Variants in CCDC88A observed in about 807,000 individuals in gnomAD.
CCDC88A encodes the protein coiled-coil and HOOK domain protein 88A.
A neutral mutation model predicts 234.3 loss-of-function variants in CCDC88A; 54 were observed. That is an observed-to-expected ratio of 0.23 (90% CI 0.19 to 0.29). CCDC88A has a LOEUF of 0.29. Among genes scored for constraint, CCDC88A ranks in the 10% least tolerant of loss-of-function variants. CCDC88A has a pLI of 1.00. For missense variants in CCDC88A, 1,832 were observed against 2,123.4 expected, an observed-to-expected ratio of 0.86 and a Z score of 2.70; for synonymous variants, 753 against 737.8, an observed-to-expected ratio of 1.02 and a Z score of -0.33.
At chr2:55,376,414 AC>A (rs1358815634) in intron 3 of CCDC88A, among the ~76,000 whole-genome samples, 1 of 152,206 alleles carries the variant, frequency 6.6e-6, no homozygotes, top group Admixed American at 6.5e-5. Flanking sequence ...ATGAAAAATA[AC>A]TATAAAAAGT....
At position 55,340,702 on chromosome 2, in the gene CCDC88A, C is replaced by G. The variant is rs143921923; in HGVS notation, c.1334-1054G>C. 2.7e-4 allele frequency among the ~76,000 whole-genome samples: 41 copies of G among 152,234 alleles called. 2 individuals are homozygous for G. The East Asian group carries it at 7.5e-3, about 28-fold the overall frequency. On this transcript the variant is annotated intron_variant, in intron 12 of 32. Coordinates refer to ENST00000436346, the MANE Select transcript of CCDC88A (RefSeq NM_001365480.1). The stretch of plus-strand genomic sequence containing the variant: ...TGGCTAAAAGTTCAAAATGAATATT[C>G]TGAACACGCTGAAATTATTTTAAAA...
intron 7 of CCDC88A, among the ~76,000 whole-genome samples, chr2:55,361,452 A>C (rs1004919332): frequency 6.6e-6 from 1 of 152,168 alleles, no homozygotes; most frequent in Non-Finnish European, 1.5e-5. Flanking sequence ...TTAATGCCTG[A>C]AGAAAAATTG....
chr2:55,404,424 T>C (rs1679214183), intron 2 of CCDC88A: 1 of 152,158 alleles, frequency 6.6e-6, no homozygotes, highest in African/African-American at 2.4e-5. Flanking sequence ...TTTTTCAGTG[T>C]ACCAGAAAAG....
Position 55,322,789 on chromosome 2 carries a change from G to A in CCDC88A, c.2998-97C>T, listed in dbSNP as rs890027664. 3.2e-5 allele frequency: 17 copies of A among 537,302 alleles called. No homozygotes were observed. The South Asian group carries it at 5.3e-4, about 17-fold the overall frequency. The allele number at this position is 537,302 out of a possible 1,614,324, so 33.3% of individuals were successfully genotyped here. ...GACTCTGGGCTGATCTGGTGAATACGAAAGGCAATTTACTTTTAAATGTGA... is the reference window on the plus strand; with the variant it reads ...GACTCTGGGCTGATCTGGTGAATACAAAAGGCAATTTACTTTTAAATGTGA... On this transcript the variant is annotated intron_variant, in intron 17 of 32. Coordinates refer to ENST00000436346, the MANE Select transcript of CCDC88A (RefSeq NM_001365480.1).
chr2:55,375,459 T>G, intron 3 of CCDC88A, among the ~76,000 whole-genome samples: 1 of 141,752 alleles, frequency 7.1e-6, no homozygotes, highest in African/African-American at 2.6e-5. Context: ...TTATAAGTAC[T>G]GTCACTGTAC....
chr2:55,349,985 A>G lies in CCDC88A; in HGVS notation c.801-386T>C, dbSNP rs577468853. ...GCTCTGTCACCCAGGCTGGAGTGCA[A>G]TGGCGCAAACTTGACTCACTGCAAC... On this transcript the variant is annotated intron_variant, in intron 8 of 32. Coordinates refer to ENST00000436346, the MANE Select transcript of CCDC88A (RefSeq NM_001365480.1). 14 of 156,766 alleles carry G rather than the reference A, an allele frequency of 8.9e-5. No homozygotes were observed. In the South Asian group the frequency reaches 2.8e-3, roughly 31 times the overall value. The allele number at this position is 156,766 out of a possible 1,614,324, so 9.7% of individuals were successfully genotyped here. A position where few individuals can be genotyped will look rare whatever the true frequency, so the allele number is the denominator to read the frequency against.
intron 2 of CCDC88A, among the ~76,000 whole-genome samples, chr2:55,390,421 C>A (rs1263886578): frequency 6.6e-6 from 1 of 152,184 alleles, no homozygotes; most frequent in South Asian, 2.1e-4. Context: ...CTTTTGTCCC[C>A]TGACCACATT....
chr2:55,301,741 A>G, intron 27 of CCDC88A, 131 bp downstream of exon 27: 1 of 759,940 alleles, frequency 1.3e-6, no homozygotes, highest in African/African-American at 1.8e-5. Flanking sequence ...AAGTTCCTCC[A>G]AATCCAATAC....
rs1486742452 is a variant in CCDC88A at position 55,366,464 on chromosome 2, T to C, written c.403-2431A>G. Among the ~76,000 whole-genome samples the C allele has an allele frequency of 4.0e-5, 6 of 150,462 alleles. No individual in the cohort carries two copies. The East Asian group carries it at 9.8e-4, about 25-fold the overall frequency. On this transcript the variant is annotated intron_variant, in intron 5 of 32. Transcript: ENST00000436346. ...ATTGCTTGAACCCAGGAGGCGGAGG[T>C]TGTAGTGAGCCAAGATTGCGCCACT...
At chr2:55,378,640 G>A (rs1260674361) in intron 3 of CCDC88A, among the ~76,000 whole-genome samples, 1 of 151,990 alleles carries the variant, frequency 6.6e-6, no homozygotes, top group Non-Finnish European at 1.5e-5. Flanking sequence ...GTTGAAAAAA[G>A]GCAGCTAAAA....
At chr2:55,388,462 A>AAG in intron 3 of CCDC88A, 1 of 160,000 alleles carries the variant, frequency 6.3e-6, no homozygotes, top group Non-Finnish European at 1.4e-5. Context: ...AAAAAATGGA[A>AAG]GTACACTTTT....
intron 2 of CCDC88A, among the ~76,000 whole-genome samples, chr2:55,393,293 T>G (rs1676970202): frequency 8.2e-6 from 1 of 122,106 alleles, no homozygotes; most frequent in Non-Finnish European, 1.7e-5. Context: ...TTTTGGGTTT[T>G]TTTTTTTTTT....
intron 3 of CCDC88A, among the ~76,000 whole-genome samples, chr2:55,377,842 G>A (rs1301490761): frequency 2.6e-5 from 4 of 152,026 alleles, no homozygotes; most frequent in South Asian, 2.1e-4. Context: ...TCCTGACATC[G>A]TGATCCGCCT....
intron 15 of CCDC88A, among the ~76,000 whole-genome samples, chr2:55,333,744 G>C (rs112649229): frequency 0.014 from 2,077 of 151,884 alleles, 25 homozygotes; most frequent in Middle Eastern, 0.027. Context: ...CCAGTACTTG[G>C]CACACAGCAC....
chr2:55,336,809 G>T lies in CCDC88A; in HGVS notation c.1528C>A (p.Leu510Ile), dbSNP rs1051213910. 34 of 1,569,172 alleles carry T rather than the reference G, an allele frequency of 2.2e-5. No homozygotes were observed. Among genetic ancestry groups the T allele is most frequent in the Non-Finnish European group, 3.0e-5 (34 of 1,149,986 alleles). Reference sequence around the variant, plus strand: ...TTTTCTTGAACAATCTCATTTTCAAGAATCTCAACCTAGAGAAAATTAAAT... The same window carrying T: ...TTTTCTTGAACAATCTCATTTTCAATAATCTCAACCTAGAGAAAATTAAAT... ...NQRLSKKVEI[L>I]ENEIVQEKQS... Residue 510 changes from leucine to isoleucine, a missense_variant, in exon 14 of 33, where the codon CTT (leucine) becomes ATT (isoleucine). By Grantham distance (5) the Leu-to-Ile change is conservative (BLOSUM62 2). Around this residue, in one of 6 missense-constraint regions of CCDC88A, gnomAD observed 1,282 missense variants for 1,543.6 expected, o/e 0.83. Coordinates refer to ENST00000436346, the MANE Select transcript of CCDC88A (RefSeq NM_001365480.1).
chr2:55,344,518 T>C lies in CCDC88A; in HGVS notation c.1042-4A>G, dbSNP rs1668861525. ...CTTGATTGTCTTCTTTTAATTCCTATAAATGTTTATCACAAATGTGTTAAT... is the reference window on the plus strand; with the variant it reads ...CTTGATTGTCTTCTTTTAATTCCTACAAATGTTTATCACAAATGTGTTAAT... On this transcript the variant is annotated splice_polypyrimidine_tract_variant and splice_region_variant and intron_variant, in intron 10 of 32. Coordinates refer to ENST00000436346, the MANE Select transcript of CCDC88A (RefSeq NM_001365480.1). The C allele has an allele frequency of 1.4e-6, 2 of 1,464,264 alleles. No homozygotes were observed. Among genetic ancestry groups the C allele is most frequent in the African/African-American group, 1.4e-5 (1 of 70,572 alleles). The allele number at this position is 1,464,264 out of a possible 1,614,324, so 90.7% of individuals were successfully genotyped here. A position where few individuals can be genotyped will look rare whatever the true frequency, so the allele number is the denominator to read the frequency against.
At chr2:55,329,160 G>A (rs930039375) in intron 16 of CCDC88A, 8 of 152,164 alleles carry the variant, frequency 5.3e-5, no homozygotes, top group Non-Finnish European at 7.3e-5. Flanking sequence ...AGTGGCAAGA[G>A]GGTGATGGAT....
intron 31 of CCDC88A, chr2:55,292,006 C>T (rs966997553): frequency 1.4e-5 from 4 of 283,394 alleles, no homozygotes; most frequent in African/African-American, 1.1e-4. Context: ...ATAACAATTA[C>T]ATTTCCCCCC....
chr2:55,299,958 T>C (rs1313305227), intron 28 of CCDC88A, 39 bp from the exon 29 acceptor site: 2 of 1,383,272 alleles, frequency 1.4e-6, no homozygotes, highest in Middle Eastern at 1.8e-4. Flanking sequence ...ATAAAACTTC[T>C]AGCTGATGAT....
Sources: allele counts gnomAD v4.1 joint callset (sites outside exome capture counted in the v4.1 genomes callset), GRCh38; gene constraint gnomAD v4.1.1; regional missense constraint gnomAD v4.1.1; transcripts MANE v1.5; gene names NCBI Gene and HGNC (gene_info 2026-07-23, HGNC 2026-07-21).